The following ANKRD62 variants were observed in gnomAD, a reference collection of about 807,000 sequenced individuals.
ANKRD62 encodes ankyrin repeat domain 62, also known as ankyrin repeat domain-containing protein 62.
Under a neutral mutation model 98.8 loss-of-function variants are expected in ANKRD62, and 61 were observed. That is an observed-to-expected ratio of 0.62 (90% CI 0.50 to 0.76). The LOEUF (loss-of-function observed/expected upper bound fraction) is 0.76. ANKRD62 is among the 30% of genes least tolerant of loss of function. The pLI, the probability that ANKRD62 is intolerant of heterozygous loss-of-function variation, is 0.00. For synonymous variants in ANKRD62, 341 were observed against 367.9 expected, an observed-to-expected ratio of 0.93 and a Z score of 0.84; for missense variants, 933 against 1,082.9, an observed-to-expected ratio of 0.86 and a Z score of 1.94.
chr18:12,154,796 G>T, the ANKRD62 span, among the ~76,000 whole-genome samples: 1 of 152,180 alleles, frequency 6.6e-6, no homozygotes, highest in Non-Finnish European at 1.5e-5. Flanking sequence ...CCATAAAAAA[G>T]AATAAGGTCA....
intron 6 of ANKRD62, chr18:12,102,331 A>G (rs550384118): frequency 1.4e-6 from 1 of 695,242 alleles, no homozygotes; most frequent in South Asian, 1.5e-5. Context: ...AAGCCAATGT[A>G]CTCACTCCAC....
chr18:12,100,268 A>G (rs1000939433), intron 6 of ANKRD62, among the ~76,000 whole-genome samples: 2 of 152,208 alleles, frequency 1.3e-5, no homozygotes, highest in African/African-American at 4.8e-5. Context: ...ACAATAAAGT[A>G]AACTAGAGAA....
chr18:12,117,058 G>A (rs1475584268), intron 10 of ANKRD62, among the ~76,000 whole-genome samples: 4 of 152,108 alleles, frequency 2.6e-5, no homozygotes, highest in Admixed American at 6.5e-5. Context: ...TATCACGAGG[G>A]TATGGAAATA....
chr18:12,096,429 C>T, intron 4 of ANKRD62, 127 bp downstream of exon 4: 1 of 557,090 alleles, frequency 1.8e-6, no homozygotes, highest in Non-Finnish European at 3.0e-6. Flanking sequence ...GAAATACCAG[C>T]AGAAGTCATC....
the ANKRD62 span, among the ~76,000 whole-genome samples, chr18:12,176,380 A>G: frequency 7.3e-6 from 1 of 137,540 alleles, no homozygotes; most frequent in Non-Finnish European, 1.6e-5. Flanking sequence ...ATGTTTGAAA[A>G]TTAAAATTAA....
At chr18:12,122,924 C>T (rs771912215) in intron 11 of ANKRD62, among the ~76,000 whole-genome samples, 64 of 152,106 alleles carry the variant, frequency 4.2e-4, no homozygotes, top group Non-Finnish European at 1.5e-4. Context: ...TAAAAGAGAT[C>T]GTTGATTAAT....
At chr18:12,157,902 G>A in the ANKRD62 span, among the ~76,000 whole-genome samples, 1 of 152,236 alleles carries the variant, frequency 6.6e-6, no homozygotes, top group African/African-American at 2.4e-5. Context: ...CTTCCCTGTG[G>A]TGCGTAGGTG....
chr18:12,175,013 C>T, the ANKRD62 span, among the ~76,000 whole-genome samples: 2 of 152,254 alleles, frequency 1.3e-5, no homozygotes, highest in African/African-American at 2.4e-5. Flanking sequence ...GGGGTGCACA[C>T]TCATCAACTG....
At chr18:12,115,910 AT>A (rs1430686093) in intron 10 of ANKRD62, among the ~76,000 whole-genome samples, 5 of 152,094 alleles carry the variant, frequency 3.3e-5, no homozygotes, top group African/African-American at 1.2e-4. Flanking sequence ...AATTATATAC[AT>A]TTTTAAAATT....
intron 10 of ANKRD62, among the ~76,000 whole-genome samples, chr18:12,116,182 A>T (rs1420289098): frequency 6.6e-6 from 1 of 152,236 alleles, no homozygotes; most frequent in Non-Finnish European, 1.5e-5. Flanking sequence ...AAGTGTCACC[A>T]TAATCAAGAT....
chr18:12,151,711 C>T, the ANKRD62 span, among the ~76,000 whole-genome samples: 10 of 152,036 alleles, frequency 6.6e-5, no homozygotes, highest in South Asian at 2.1e-4. Flanking sequence ...AAATAACCAA[C>T]GTCAGAGCTT....
chr18:12,120,978 G>A (rs979258436), intron 10 of ANKRD62, among the ~76,000 whole-genome samples: 1 of 152,042 alleles, frequency 6.6e-6, no homozygotes, highest in Non-Finnish European at 1.5e-5. Context: ...GCCAAGTTTA[G>A]AATTTTTGGG....
At chr18:12,153,972 C>G in the ANKRD62 span, among the ~76,000 whole-genome samples, 1 of 152,264 alleles carries the variant, frequency 6.6e-6, no homozygotes, top group African/African-American at 2.4e-5. Flanking sequence ...GGATTAAACT[C>G]TTAGAAGTAA....
At chr18:12,097,334 A>G (rs1200905262) in intron 4 of ANKRD62, among the ~76,000 whole-genome samples, 1 of 152,142 alleles carries the variant, frequency 6.6e-6, no homozygotes, top group African/African-American at 2.4e-5. Flanking sequence ...TTTCACTTAA[A>G]TTTTTAGCTA....
the ANKRD62 span, among the ~76,000 whole-genome samples, chr18:12,158,686 G>A: frequency 1.8e-5 from 2 of 108,948 alleles, no homozygotes; most frequent in Non-Finnish European, 3.8e-5. Context: ...ATCATGCCTG[G>A]CTAATTTTTT....
At chr18:12,173,125 C>T in the ANKRD62 span, among the ~76,000 whole-genome samples, 1 of 152,094 alleles carries the variant, frequency 6.6e-6, no homozygotes, top group Non-Finnish European at 1.5e-5. Flanking sequence ...CGACAAGCCC[C>T]AGTGAGATGA....
chr18:12,111,129 G>T (rs777990902), intron 8 of ANKRD62, among the ~76,000 whole-genome samples: 34 of 151,942 alleles, frequency 2.2e-4, no homozygotes, highest in Non-Finnish European at 4.3e-4. Context: ...CACACCTGTA[G>T]TCTCAGCTAC....
chr18:12,158,495 C>T, the ANKRD62 span, among the ~76,000 whole-genome samples: 1 of 151,860 alleles, frequency 6.6e-6, no homozygotes, highest in Non-Finnish European at 1.5e-5. Context: ...TTGTTAATAC[C>T]CTACAAAATT....
chr18:12,135,689 T>A, the ANKRD62 span, among the ~76,000 whole-genome samples: 9 of 151,896 alleles, frequency 5.9e-5, no homozygotes, highest in African/African-American at 1.9e-4. Flanking sequence ...TTTCTCCACA[T>A]CCTCTCCAGC....
Sources: gnomAD v4.1 joint callset for allele counts (sites outside exome capture counted in the v4.1 genomes callset) on GRCh38, gnomAD v4.1.1 for gene constraint, MANE v1.5 for transcripts, NCBI Gene and HGNC (gene_info 2026-07-23, HGNC 2026-07-21) for gene names.